The following NELL2 variants were observed in gnomAD, a reference collection of about 807,000 sequenced individuals.
NELL2 encodes the protein neural EGFL like 2.
A neutral mutation model predicts 109.6 loss-of-function variants in NELL2; 41 were observed. The observed-to-expected ratio is 0.37, with a 90% CI of 0.29 to 0.49. The LOEUF is 0.49. NELL2 is among the 20% of genes least tolerant of loss of function. The pLI is 0.98. For synonymous variants in NELL2, 355 were observed against 344.7 expected (o/e 1.03, Z -0.33); for missense variants, 900 against 1,008.3 (o/e 0.89, Z 1.45).
At chr12:44,683,588 C>T (rs1308423002) in intron 12 of NELL2, among the ~76,000 whole-genome samples, 14 of 151,862 alleles carry the variant, frequency 9.2e-5, no homozygotes, top group Admixed American at 5.2e-4. Context: ...TTTTGAGATA[C>T]GTCCCATCAA....
intron 9 of NELL2, among the ~76,000 whole-genome samples, chr12:44,746,417 G>C (rs936496162): frequency 6.6e-6 from 1 of 152,112 alleles, no homozygotes; most frequent in African/African-American, 2.4e-5. Flanking sequence ...AACACCAAAA[G>C]CAATGGCAAC....
At chr12:44,523,602 T>C in intron 16 of NELL2, 118 bp from the exon 17 acceptor site, 1 of 775,112 alleles carries the variant, frequency 1.3e-6, no homozygotes, top group Non-Finnish European at 2.1e-6. Flanking sequence ...ATTTTCATCT[T>C]ACTGGCTTGC....
In NELL2 at chr12:44,702,049, G is replaced by T. The variant is rs972046727; in HGVS notation, c.1318+1677C>A. 2.6e-5 allele frequency among the ~76,000 whole-genome samples: 4 copies of T among 151,962 alleles called. No individual in the cohort carries two copies. The South Asian group carries it at 6.2e-4, about 24-fold the overall frequency. Reference sequence around the variant, plus strand: ...CTTTCCACTTTTTATTCTTCTGGTTGAAGTGTTCTATCCAAGATTATTACA... The same window carrying T: ...CTTTCCACTTTTTATTCTTCTGGTTTAAGTGTTCTATCCAAGATTATTACA... On this transcript the variant is annotated intron_variant, in intron 12 of 19. Coordinates refer to ENST00000429094, the MANE Select transcript of NELL2 (RefSeq NM_001145108.2).
chr12:44,624,070 C>T (rs1946151751), intron 13 of NELL2, among the ~76,000 whole-genome samples: 1 of 152,040 alleles, frequency 6.6e-6, no homozygotes, highest in Non-Finnish European at 1.5e-5. Flanking sequence ...ACCACCATGG[C>T]ACGTGTATAC....
chr12:44,851,938 C>G (rs150147584), intron 2 of NELL2: 162 of 152,234 alleles, frequency 1.1e-3, no homozygotes, highest in African/African-American at 3.6e-3. Context: ...TTTTGCCCTT[C>G]AAAAGCATTT....
At position 44,816,017 on chromosome 12, in the gene NELL2, C is replaced by T. The variant is rs779913168; in HGVS notation, c.304G>A (p.Val102Ile). 6.2e-7 allele frequency: 1 copy of T among 1,612,256 alleles called. No homozygotes were observed. The highest frequency in any genetic ancestry group is 1.1e-5 in the South Asian group (1 of 90,358). Residue 102 changes from valine to isoleucine, a missense_variant, in exon 3 of 20, where the codon GTT becomes ATT. Around this residue, in one of 4 missense-constraint regions of NELL2, gnomAD observed 200 missense variants for 191.8 expected, o/e 1.04. Transcript: ENST00000429094. Reference protein sequence around the residue: ...TLKQTHLNSGVILSIHHLDHR... With the variant: ...TLKQTHLNSGIILSIHHLDHR... Reference sequence around the variant, plus strand: ...TCCAAGTGGTGAATTGAGAGAATAACTCCTGAATTTAAGTGGGTCTGTTTT... The same window carrying T: ...TCCAAGTGGTGAATTGAGAGAATAATTCCTGAATTTAAGTGGGTCTGTTTT...
intron 15 of NELL2, among the ~76,000 whole-genome samples, chr12:44,600,127 A>AATTTATTTATTTATTT (rs57168113): frequency 5.7e-4 from 76 of 132,218 alleles, no homozygotes; most frequent in East Asian, 2.4e-3. Flanking sequence ...ACGCCCGGCT[A>AATTTATTTATTTATTT]ATTTATTTAT....
intron 15 of NELL2, among the ~76,000 whole-genome samples, chr12:44,533,031 A>T (rs1257028280): frequency 6.6e-6 from 1 of 152,200 alleles, no homozygotes; most frequent in East Asian, 1.9e-4. Context: ...ACAAGCTAGG[A>T]TTATGATTCT....
intron 15 of NELL2, among the ~76,000 whole-genome samples, chr12:44,562,711 T>G (rs1269388869): frequency 6.6e-6 from 1 of 152,226 alleles, no homozygotes; most frequent in Non-Finnish European, 1.5e-5. Context: ...GCTTTTACAC[T>G]GTTGGTGGGA....
intron 19 of NELL2, among the ~76,000 whole-genome samples, chr12:44,511,359 A>G (rs2138955940): frequency 6.6e-6 from 1 of 152,354 alleles, no homozygotes. Flanking sequence ...TGAAAGCAAT[A>G]GAGAGTGTCA....
chr12:44,866,637 G>T (rs1441374381), intron 2 of NELL2, among the ~76,000 whole-genome samples: 1 of 151,802 alleles, frequency 6.6e-6, no homozygotes, highest in African/African-American at 2.4e-5. Flanking sequence ...GATCAGAGCA[G>T]AAATAAATGA....
At chr12:44,681,871 T>C (rs1168190233) in intron 12 of NELL2, among the ~76,000 whole-genome samples, 2 of 151,634 alleles carry the variant, frequency 1.3e-5, no homozygotes, top group South Asian at 2.1e-4. Context: ...AATGCCGCAA[T>C]AAACATACGT....
At chr12:44,726,855 A>G (rs952767172) in intron 9 of NELL2, among the ~76,000 whole-genome samples, 4 of 152,158 alleles carry the variant, frequency 2.6e-5, no homozygotes, top group African/African-American at 9.6e-5. Context: ...TATTTATAGC[A>G]GTTAAGTAAT....
intron 2 of NELL2, among the ~76,000 whole-genome samples, chr12:44,871,926 G>A (rs894781796): frequency 6.6e-6 from 1 of 152,076 alleles, no homozygotes; most frequent in Admixed American, 6.5e-5. Flanking sequence ...CACTTCAGAA[G>A]AAATTGTATT....
chr12:44,742,199 G>A (rs143040505), intron 9 of NELL2, among the ~76,000 whole-genome samples: 1 of 152,136 alleles, frequency 6.6e-6, no homozygotes, highest in African/African-American at 2.4e-5. Context: ...CAGGCAAACA[G>A]GGTCTGGAGT....
At chr12:44,821,164 T>A (rs1237654339) in intron 2 of NELL2, among the ~76,000 whole-genome samples, 3 of 152,256 alleles carry the variant, frequency 2.0e-5, no homozygotes, top group African/African-American at 7.2e-5. Flanking sequence ...TGAACTCATG[T>A]TCCATTTTGT....
chr12:44,716,787 A>G (rs902330260), intron 9 of NELL2, among the ~76,000 whole-genome samples: 3 of 152,122 alleles, frequency 2.0e-5, no homozygotes, highest in Non-Finnish European at 4.4e-5. Context: ...AAGAAAAACA[A>G]TGGTGCTCTA....
intron 1 of NELL2, among the ~76,000 whole-genome samples, chr12:44,892,124 G>A (rs1945541321): frequency 6.6e-6 from 1 of 152,198 alleles, no homozygotes; most frequent in East Asian, 1.9e-4. Flanking sequence ...ATGGTTGGGA[G>A]TAGAATTTCC....
At chr12:44,702,752 A>G (rs557347772) in intron 12 of NELL2, among the ~76,000 whole-genome samples, 31 of 152,320 alleles carry the variant, frequency 2.0e-4, no homozygotes, top group African/African-American at 6.3e-4. Flanking sequence ...AATCAGTAGC[A>G]TTTAAAGAAA....
Sources: gnomAD v4.1 joint callset for allele counts (sites outside exome capture counted in the v4.1 genomes callset) on GRCh38, gnomAD v4.1.1 for gene constraint, gnomAD v4.1.1 regional missense constraint, MANE v1.5 for transcripts, NCBI Gene and HGNC (gene_info 2026-07-23, HGNC 2026-07-21) for gene names.